SNAP91: variants seen among roughly 807,000 people sequenced by gnomAD.
SNAP91 encodes the protein synaptosome associated protein 91.
SNAP91 carries 27 observed loss-of-function variants against 100.3 expected under a neutral mutation model. The ratio of observed to expected loss-of-function variants is 0.27; its 90% CI spans 0.20 to 0.37. SNAP91 has a LOEUF of 0.37. Among genes scored for constraint, SNAP91 ranks in the 10% least tolerant of loss-of-function variants. The pLI is 1.00. For synonymous variants in SNAP91, 404 were observed against 398.6 expected, an observed-to-expected ratio of 1.01 and a Z score of -0.16; for missense variants, 986 against 1,123.7, an observed-to-expected ratio of 0.88 and a Z score of 1.75.
At chr6:83,599,656 C>T (rs2094929413) in intron 16 of SNAP91, among the ~76,000 whole-genome samples, 1 of 152,098 alleles carries the variant, frequency 6.6e-6, no homozygotes, top group Non-Finnish European at 1.5e-5. Context: ...ACTCTATTTA[C>T]CACCTGATTT....
At chr6:83,609,613 T>C (rs1486441262) in intron 12 of SNAP91, among the ~76,000 whole-genome samples, 9 of 152,186 alleles carry the variant, frequency 5.9e-5, no homozygotes, top group Non-Finnish European at 1.2e-4. Flanking sequence ...TACATTTTTG[T>C]CTGAAGAATA....
intron 2 of SNAP91, among the ~76,000 whole-genome samples, chr6:83,676,599 A>G (rs1490832880): frequency 6.6e-6 from 1 of 152,198 alleles, no homozygotes; most frequent in East Asian, 1.9e-4. Context: ...GGAGTGGTGG[A>G]CAGAGAACTG....
chr6:83,554,618 C>A (rs182282250), intron 29 of SNAP91, among the ~76,000 whole-genome samples: 2 of 152,230 alleles, frequency 1.3e-5, no homozygotes, highest in Admixed American at 1.3e-4. Context: ...GAGCAGCCAA[C>A]CTTTAAAAAG....
At chr6:83,634,752 T>C (rs570157170) in intron 8 of SNAP91, among the ~76,000 whole-genome samples, 1 of 152,352 alleles carries the variant, frequency 6.6e-6, no homozygotes, top group South Asian at 2.1e-4. Flanking sequence ...ATTTGAGATC[T>C]TTCTAACTTC....
In SNAP91 at chr6:83,582,359, G is replaced by GA. The variant is rs759303755; in HGVS notation, c.2015-4dup. 1 of 1,606,980 alleles carries GA rather than the reference G, an allele frequency of 6.2e-7. No individual in the cohort carries two copies. Among genetic ancestry groups the GA allele is most frequent in the Non-Finnish European group, 8.5e-7 (1 of 1,176,892 alleles). On this transcript the variant is annotated splice_region_variant and splice_polypyrimidine_tract_variant and intron_variant, in intron 22 of 29. Transcript: ENST00000369694. ...CGCCATGAAAGAACCCCCAAATCCT[G>GA]AAAAAAAGTTCCAAAAAAACAAGCA...
At chr6:83,674,764 A>G (rs1249516746) in intron 2 of SNAP91, among the ~76,000 whole-genome samples, 1 of 152,164 alleles carries the variant, frequency 6.6e-6, no homozygotes, top group African/African-American at 2.4e-5. Flanking sequence ...GAAAGGGGCT[A>G]TCTTTTTCCC....
intron 9 of SNAP91, among the ~76,000 whole-genome samples, chr6:83,621,862 T>C (rs1042240641): frequency 6.6e-6 from 1 of 152,104 alleles, no homozygotes; most frequent in Non-Finnish European, 1.5e-5. Context: ...ATTCATTAGC[T>C]TCTAAATATC....
chr6:83,586,373 C>A (rs959595477), intron 22 of SNAP91, among the ~76,000 whole-genome samples: 3 of 152,166 alleles, frequency 2.0e-5, no homozygotes, highest in Non-Finnish European at 2.9e-5. Flanking sequence ...ATAGGCTGGA[C>A]CATATAGTCC....
At chr6:83,622,561 C>A (rs1322338010) in intron 9 of SNAP91, among the ~76,000 whole-genome samples, 3 of 152,002 alleles carry the variant, frequency 2.0e-5, no homozygotes, top group African/African-American at 7.2e-5. Context: ...ACAATAACAT[C>A]ATTGCTAGTT....
intron 3 of SNAP91, among the ~76,000 whole-genome samples, chr6:83,663,676 T>A (rs1214515131): frequency 6.6e-6 from 1 of 152,024 alleles, no homozygotes; most frequent in Non-Finnish European, 1.5e-5. Context: ...ATCTCCACAA[T>A]ATAAAAGTAC....
intron 16 of SNAP91, among the ~76,000 whole-genome samples, chr6:83,599,826 C>T (rs2094949373): frequency 6.6e-6 from 1 of 152,098 alleles, no homozygotes; most frequent in Non-Finnish European, 1.5e-5. Context: ...TTGCTCTTCA[C>T]CTAGGCTAAA....
At chr6:83,654,430 G>A (rs931596978) in intron 7 of SNAP91, among the ~76,000 whole-genome samples, 6 of 152,094 alleles carry the variant, frequency 3.9e-5, no homozygotes, top group East Asian at 1.9e-4. Context: ...ACTGGAAACC[G>A]GAAGTCAGAT....
intron 26 of SNAP91, among the ~76,000 whole-genome samples, chr6:83,572,405 G>A (rs1272175285): frequency 6.6e-6 from 1 of 151,324 alleles, no homozygotes; most frequent in Non-Finnish European, 1.5e-5. Context: ...TGCCACCATG[G>A]CTTGCAAAGT....
At chr6:83,618,130 T>C (rs2096574097) in intron 9 of SNAP91, among the ~76,000 whole-genome samples, 1 of 151,806 alleles carries the variant, frequency 6.6e-6, no homozygotes, top group South Asian at 2.1e-4. Context: ...ATTCAGGACA[T>C]TTATTTAATA....
chr6:83,603,839 T>G (rs1377128274), intron 14 of SNAP91, among the ~76,000 whole-genome samples: 1 of 152,200 alleles, frequency 6.6e-6, no homozygotes. Flanking sequence ...TGCTCTGCTT[T>G]GTCTTTTTAT....
chr6:83,564,567 GT>G (rs1793938123), intron 26 of SNAP91, among the ~76,000 whole-genome samples: 1 of 151,930 alleles, frequency 6.6e-6, no homozygotes, highest in East Asian at 1.9e-4. Context: ...GTCTCATTAT[GT>G]TGCCCAGGCT....
At chr6:83,646,244 A>C (rs1298875393) in intron 7 of SNAP91, among the ~76,000 whole-genome samples, 1 of 152,138 alleles carries the variant, frequency 6.6e-6, no homozygotes, top group Non-Finnish European at 1.5e-5. Flanking sequence ...CCAGCTCTTC[A>C]ATTATTTCTT....
chr6:83,632,935 T>G (rs1175619358), intron 8 of SNAP91, among the ~76,000 whole-genome samples: 1 of 152,202 alleles, frequency 6.6e-6, no homozygotes, highest in Non-Finnish European at 1.5e-5. Flanking sequence ...CTAGTGTGAT[T>G]TTTTTGGAGG....
In SNAP91 at chr6:83,685,094, G is replaced by T. The variant is rs190466712; in HGVS notation, c.131-19513C>A. Reference sequence around the variant, plus strand: ...AACTTGTCCCTCAGTGTCTAAACAAGACAAGAATTATGATTGGATACCACA... The same window carrying T: ...AACTTGTCCCTCAGTGTCTAAACAATACAAGAATTATGATTGGATACCACA... On this transcript the variant is annotated intron_variant, in intron 2 of 29. Transcript: ENST00000369694. Among the ~76,000 whole-genome samples, 17 of 152,296 alleles carry T rather than the reference G, an allele frequency of 1.1e-4. 1 individual carries two copies. The highest frequency in any genetic ancestry group is 9.2e-4 in the Admixed American group (14 of 15,298).
Sources: allele counts gnomAD v4.1 joint callset (sites outside exome capture counted in the v4.1 genomes callset), GRCh38; gene constraint gnomAD v4.1.1; transcripts MANE v1.5; gene names NCBI Gene and HGNC (gene_info 2026-07-23, HGNC 2026-07-21).